Variants in PRKG1 observed in about 807,000 individuals in gnomAD.
The protein encoded by PRKG1 is cGMP-dependent protein kinase 1.
Under a neutral mutation model 88.1 loss-of-function variants are expected in PRKG1, and 35 were observed. The ratio of observed to expected loss-of-function variants is 0.40; its 90% CI spans 0.30 to 0.53. PRKG1 has a LOEUF of 0.53. Among genes scored for constraint, PRKG1 ranks in the 20% least tolerant of loss-of-function variants. The pLI, the probability that PRKG1 is intolerant of heterozygous loss-of-function variation, is 0.59. For missense variants in PRKG1, 540 were observed against 839.8 expected, an observed-to-expected ratio of 0.64 and a Z score of 4.41; for synonymous variants, 303 against 292.5, an observed-to-expected ratio of 1.04 and a Z score of -0.37.
chr10:51,866,392 G>A (rs1841015666), intron 4 of PRKG1, among the ~76,000 whole-genome samples: 1 of 151,976 alleles, frequency 6.6e-6, no homozygotes, highest in African/African-American at 2.4e-5. Context: ...GCCATCCCTG[G>A]AAAGAATGAA....
At chr10:51,246,645 T>C (rs1353562605) in intron 2 of PRKG1, among the ~76,000 whole-genome samples, 1 of 151,560 alleles carries the variant, frequency 6.6e-6, no homozygotes, top group Non-Finnish European at 1.5e-5. Context: ...GATTTATCTA[T>C]CATTTTTCAA....
At chr10:51,208,895 A>G (rs559558425) in intron 2 of PRKG1, among the ~76,000 whole-genome samples, 1 of 152,304 alleles carries the variant, frequency 6.6e-6, no homozygotes, top group East Asian at 1.9e-4. Context: ...CTTCATTTTG[A>G]CATTAAATGA....
intron 3 of PRKG1, among the ~76,000 whole-genome samples, chr10:51,558,512 A>C (rs1837372229): frequency 1.3e-5 from 2 of 152,114 alleles, no homozygotes; most frequent in Non-Finnish European, 2.9e-5. Context: ...GGAAGACATG[A>C]ATTCCTCGTT....
chr10:52,039,210 G>C (rs1349193884), intron 5 of PRKG1, among the ~76,000 whole-genome samples: 1 of 152,150 alleles, frequency 6.6e-6, no homozygotes, highest in Non-Finnish European at 1.5e-5. Flanking sequence ...TCCGAAAAGA[G>C]AGTCGGTGAA....
chr10:51,977,494 A>G (rs914800485), intron 5 of PRKG1, among the ~76,000 whole-genome samples: 3 of 152,066 alleles, frequency 2.0e-5, no homozygotes, highest in Non-Finnish European at 2.9e-5. Context: ...CAGTAATGGG[A>G]TTGCTGGGTC....
chr10:52,087,871 A>T (rs934524687), intron 7 of PRKG1, among the ~76,000 whole-genome samples: 6 of 152,288 alleles, frequency 3.9e-5, no homozygotes, highest in Admixed American at 1.3e-4. Flanking sequence ...TTTTTTCCTC[A>T]ATAGTAAGGA....
chr10:51,762,147 A>G (rs999957440), intron 3 of PRKG1, among the ~76,000 whole-genome samples: 6 of 152,222 alleles, frequency 3.9e-5, no homozygotes, highest in African/African-American at 1.4e-4. Context: ...ATTCAAATCC[A>G]TGGTCCATGT....
intron 1 of PRKG1, among the ~76,000 whole-genome samples, chr10:51,049,842 A>G (rs1304458244): frequency 6.6e-6 from 1 of 152,138 alleles, no homozygotes; most frequent in Non-Finnish European, 1.5e-5. Context: ...TTCTTGCTTT[A>G]TGAACATTAA....
intron 2 of PRKG1, among the ~76,000 whole-genome samples, chr10:51,343,258 C>G (rs1842041719): frequency 6.6e-6 from 1 of 152,128 alleles, no homozygotes; most frequent in Admixed American, 6.6e-5. Context: ...TTCTCTGTAT[C>G]TCCAGTTCAA....
chr10:52,155,204 AC>A (rs1838059031), intron 8 of PRKG1, among the ~76,000 whole-genome samples: 1 of 152,014 alleles, frequency 6.6e-6, no homozygotes, highest in African/African-American at 2.4e-5. Context: ...TAAAAGTTCT[AC>A]TTTTAATTTT....
intron 2 of PRKG1, among the ~76,000 whole-genome samples, chr10:51,300,056 T>G (rs1215046979): frequency 1.3e-5 from 2 of 152,208 alleles, no homozygotes; most frequent in Non-Finnish European, 2.9e-5. Context: ...TCTCCAAAGT[T>G]GATGAAACTA....
chr10:51,199,271 C>A (rs781680936), intron 2 of PRKG1, among the ~76,000 whole-genome samples: 1 of 152,112 alleles, frequency 6.6e-6, no homozygotes, highest in Non-Finnish European at 1.5e-5. Flanking sequence ...AGTAGTGGTA[C>A]CTGTGCATCT....
At chr10:51,845,407 T>A (rs547473086) in intron 4 of PRKG1, among the ~76,000 whole-genome samples, 134 of 152,292 alleles carry the variant, frequency 8.8e-4, no homozygotes, top group South Asian at 1.4e-3. Context: ...AGTGTTGACA[T>A]TCTTCATTAA....
intron 3 of PRKG1, among the ~76,000 whole-genome samples, chr10:51,577,975 C>G (rs527281367): frequency 4.2e-4 from 64 of 152,034 alleles, no homozygotes; most frequent in Non-Finnish European, 8.4e-4. Context: ...GACTAGTAGG[C>G]TACACTGAAA....
chr10:51,523,085 C>A (rs1234698110), intron 3 of PRKG1, among the ~76,000 whole-genome samples: 1 of 152,120 alleles, frequency 6.6e-6, no homozygotes, highest in African/African-American at 2.4e-5. Context: ...TATGCAACAC[C>A]AGATACTGCG....
At chr10:51,219,352 A>G (rs1838461222) in intron 2 of PRKG1, among the ~76,000 whole-genome samples, 2 of 152,170 alleles carry the variant, frequency 1.3e-5, no homozygotes, top group African/African-American at 2.4e-5. Context: ...AGACTAGTAG[A>G]CAAGCAGTGT....
chr10:52,002,529 G>A (rs982118487), intron 5 of PRKG1, among the ~76,000 whole-genome samples: 1 of 152,016 alleles, frequency 6.6e-6, no homozygotes, highest in Non-Finnish European at 1.5e-5. Context: ...TGCTGTTGAC[G>A]TAGAATAAAA....
chr10:51,797,271 C>T (rs1258937310), intron 3 of PRKG1, among the ~76,000 whole-genome samples: 2 of 149,008 alleles, frequency 1.3e-5, no homozygotes, highest in Non-Finnish European at 3.0e-5. Flanking sequence ...CAAGTAAATA[C>T]ATCTGATCAC....
intron 2 of PRKG1, among the ~76,000 whole-genome samples, chr10:51,303,829 A>G (rs1427255808): frequency 1.3e-5 from 2 of 151,978 alleles, no homozygotes; most frequent in African/African-American, 4.8e-5. Flanking sequence ...ACACACACAC[A>G]TACATATTTG....
Sources: allele counts gnomAD v4.1 joint callset (sites outside exome capture counted in the v4.1 genomes callset), GRCh38; gene constraint gnomAD v4.1.1; transcripts MANE v1.5; gene names NCBI Gene and HGNC (gene_info 2026-07-23, HGNC 2026-07-21).